The following HMCN1 variants were observed in gnomAD, a reference collection of about 807,000 sequenced individuals.
HMCN1 encodes hemicentin-1.
In HMCN1, 321 loss-of-function variants were observed where a neutral mutation model predicts 625.9. That is an observed-to-expected ratio of 0.51 (90% CI 0.47 to 0.56). The LOEUF (loss-of-function observed/expected upper bound fraction) is 0.56, where lower values mean the gene tolerates loss of function less well. HMCN1 is among the 20% of genes least tolerant of loss of function. The pLI, the probability that HMCN1 is intolerant of heterozygous loss-of-function variation, is 0.00. For synonymous variants in HMCN1, 2,425 were observed against 2,417.6 expected (o/e 1.00, Z -0.09); for missense variants, 6,588 against 6,887.3 (o/e 0.96, Z 1.54).
intron 64 of HMCN1, among the ~76,000 whole-genome samples, chr1:186,092,745 G>A (rs1005023919): frequency 1.3e-5 from 2 of 151,948 alleles, no homozygotes; most frequent in Non-Finnish European, 2.9e-5. Flanking sequence ...AAGGTATTAA[G>A]TTGTTTATAA....
At chr1:185,773,544 G>A (rs1444789234) in intron 1 of HMCN1, among the ~76,000 whole-genome samples, 2 of 152,054 alleles carry the variant, frequency 1.3e-5, no homozygotes, top group African/African-American at 4.8e-5. Context: ...ATGTAGAGGA[G>A]GGCAGAACCA....
intron 11 of HMCN1, among the ~76,000 whole-genome samples, chr1:185,937,563 A>T (rs919267391): frequency 1.3e-5 from 2 of 152,308 alleles, no homozygotes; most frequent in Admixed American, 1.3e-4. Context: ...ATAAGGCAAG[A>T]ACTGGCTAAG....
chr1:186,022,489 A>C (rs1654789225), intron 35 of HMCN1, among the ~76,000 whole-genome samples: 1 of 152,178 alleles, frequency 6.6e-6, no homozygotes, highest in Non-Finnish European at 1.5e-5. Flanking sequence ...TCCGAATAGC[A>C]TGTTTCAAAG....
intron 71 of HMCN1, among the ~76,000 whole-genome samples, chr1:186,111,442 G>T (rs796328735): frequency 6.9e-4 from 105 of 152,084 alleles, no homozygotes; most frequent in African/African-American, 2.3e-3. Flanking sequence ...TAAGGACAAG[G>T]GTTCAAGACC....
chr1:185,796,533 C>A (rs1244194192), intron 1 of HMCN1, among the ~76,000 whole-genome samples: 2 of 152,166 alleles, frequency 1.3e-5, no homozygotes, highest in East Asian at 3.9e-4. Flanking sequence ...CTTTCTGTTT[C>A]TGAGTTATTT....
intron 45 of HMCN1, among the ~76,000 whole-genome samples, chr1:186,056,546 A>G (rs937852135): frequency 6.6e-6 from 1 of 152,000 alleles, no homozygotes; most frequent in South Asian, 2.1e-4. Context: ...AAAATGTGGT[A>G]CATATGCACC....
At position 186,086,419 on chromosome 1, in the gene HMCN1, CTTA is replaced by C. The variant is rs1558210206; in HGVS notation, c.9046+17_9046+19del. The C allele has an allele frequency of 7.4e-6, 12 of 1,612,464 alleles. No individual in the cohort carries two copies. The highest frequency in any genetic ancestry group is 1.3e-5 in the African/African-American group (1 of 74,962). On this transcript the variant is annotated intron_variant, in intron 58 of 106. Transcript: ENST00000271588. ...TCTCATTGTGCCTGGTAAGGAACTT[CTTA>C]TTATAAAGCAGGCAAAATTTTCTCA...
At chr1:186,038,766 C>T (rs1656004541) in intron 37 of HMCN1, 63 bp from the exon 38 acceptor site, 1 of 909,110 alleles carries the variant, frequency 1.1e-6, no homozygotes. Context: ...AGCTAAGATC[C>T]AACTTAGTAT....
At chr1:186,142,259 G>C (rs1188106689) in intron 89 of HMCN1, among the ~76,000 whole-genome samples, 1 of 152,112 alleles carries the variant, frequency 6.6e-6, no homozygotes, top group East Asian at 1.9e-4. Flanking sequence ...TGCAGTATTT[G>C]GTTTTCTGTT....
chr1:186,155,759 GTTC>G (rs1650969305), intron 97 of HMCN1, among the ~76,000 whole-genome samples: 2 of 152,138 alleles, frequency 1.3e-5, no homozygotes, highest in African/African-American at 2.4e-5. Flanking sequence ...ATGTGTCATG[GTTC>G]TTGTCAATTT....
chr1:186,185,058 A>T (rs1653194606), intron 105 of HMCN1, among the ~76,000 whole-genome samples: 1 of 152,180 alleles, frequency 6.6e-6, no homozygotes, highest in Non-Finnish European at 1.5e-5. Context: ...GCACCTCAGT[A>T]CTTAGGAAAG....
chr1:185,777,997 T>C (rs914784605), intron 1 of HMCN1, among the ~76,000 whole-genome samples: 2 of 152,230 alleles, frequency 1.3e-5, no homozygotes, highest in African/African-American at 4.8e-5. Context: ...TGGACTAATC[T>C]GTTTGCCTAA....
intron 34 of HMCN1, 121 bp downstream of exon 34, chr1:186,018,473 A>C (rs1049792387): frequency 2.2e-5 from 23 of 1,064,650 alleles, no homozygotes; most frequent in Non-Finnish European, 3.3e-5. Context: ...GGTAGTGTAA[A>C]GGATGTGAAT....
chr1:186,070,552 G>C (rs574109104), intron 51 of HMCN1, 60 bp from the exon 52 acceptor site: 1 of 1,403,962 alleles, frequency 7.1e-7, no homozygotes, highest in East Asian at 2.3e-5. Context: ...TGTGATTTCT[G>C]TGGTATTCCA....
intron 1 of HMCN1, 45 bp downstream of exon 1, chr1:185,735,092 A>G: frequency 2.5e-6 from 4 of 1,573,640 alleles, no homozygotes; most frequent in Non-Finnish European, 3.5e-6. Flanking sequence ...TCTCATGATT[A>G]CATTATTTCT....
chr1:186,186,994 T>TCACACGCACA (rs1653358143), intron 105 of HMCN1, among the ~76,000 whole-genome samples: 1 of 134,516 alleles, frequency 7.4e-6, no homozygotes. Flanking sequence ...TGTCTCTGTC[T>TCACACGCACA]CACACACACA....
chr1:186,102,616 G>A (rs1046634617), intron 68 of HMCN1, among the ~76,000 whole-genome samples: 1 of 152,036 alleles, frequency 6.6e-6, no homozygotes, highest in Non-Finnish European at 1.5e-5. Context: ...TCAGACTCCA[G>A]ATCTTCTGCT....
At chr1:186,142,068 A>G (rs141336553) in intron 89 of HMCN1, among the ~76,000 whole-genome samples, 110 of 152,232 alleles carry the variant, frequency 7.2e-4, no homozygotes, top group Non-Finnish European at 1.4e-3. Context: ...TAAACTTATG[A>G]CTCAGGGGTT....
At position 186,052,913 on chromosome 1, in the gene HMCN1, T is replaced by C. The variant is rs1331838085; in HGVS notation, c.6578-39T>C. 8 of 1,531,834 alleles carry C rather than the reference T, an allele frequency of 5.2e-6. No homozygotes were observed. In the East Asian group the frequency reaches 9.0e-5, roughly 17 times the overall value. The allele number at this position is 1,531,834 out of a possible 1,614,324, so 94.9% of individuals were successfully genotyped here. On this transcript the variant is annotated intron_variant, in intron 42 of 106. Coordinates refer to ENST00000271588, the MANE Select transcript of HMCN1 (RefSeq NM_031935.3). ...TGTAAACTGTTATGAGAATTCTATA[T>C]GAAATGAGTGGAAAAATCATATTTT...
Sources: allele counts gnomAD v4.1 joint callset (sites outside exome capture counted in the v4.1 genomes callset), GRCh38; gene constraint gnomAD v4.1.1; transcripts MANE v1.5; gene names NCBI Gene and HGNC (gene_info 2026-07-23, HGNC 2026-07-21).